NIBAN2: variants seen among roughly 807,000 people sequenced by gnomAD.
NIBAN2 encodes protein Niban 2.
In NIBAN2, 36 loss-of-function variants were observed where a neutral mutation model predicts 81.8. The ratio of observed to expected loss-of-function variants is 0.44; its 90% CI spans 0.34 to 0.58. NIBAN2 has a LOEUF of 0.58. NIBAN2 is among the 20% of genes least tolerant of loss of function. The pLI, the probability that NIBAN2 is intolerant of heterozygous loss-of-function variation, is 0.02. For missense variants in NIBAN2, 897 were observed against 1,014.1 expected, an observed-to-expected ratio of 0.88 and a Z score of 1.57; for synonymous variants, 445 against 441.6, an observed-to-expected ratio of 1.01 and a Z score of -0.10.
intron 1 of NIBAN2, among the ~76,000 whole-genome samples, chr9:127,575,583 G>A (rs1417854925): frequency 7.0e-6 from 1 of 143,036 alleles, no homozygotes; most frequent in East Asian, 2.1e-4. Context: ...AGGCTGGAGT[G>A]CAGTGGCGGG....
At position 127,507,124 on chromosome 9, in the gene NIBAN2, T is replaced by C; in HGVS notation, c.1962A>G (p.Arg654=). Residue 654 remains arginine, a synonymous_variant, in exon 14 of 14, where the codon CGA becomes CGG. Coordinates refer to ENST00000373312, the MANE Select transcript of NIBAN2 (RefSeq NM_022833.4). The surrounding 1 kb of genome is among the most constrained non-coding windows in gnomAD (Gnocchi z 6.8). ...GCCGCAGACCTTGGGCCAGCAGGCC[T>C]CGGATCTCAGTGACACCGTCCGGGG... ...PASPDGVTEI[R]GLLAQGLRPE... 4.4e-6 allele frequency: 7 copies of C among 1,594,602 alleles called. No homozygotes were observed. The highest frequency in any genetic ancestry group is 6.0e-6 in the Non-Finnish European group (7 of 1,171,114).
chr9:127,569,271 C>G (rs1837916723), upstream of NIBAN2, among the ~76,000 whole-genome samples: 1 of 147,954 alleles, frequency 6.8e-6, no homozygotes, highest in Non-Finnish European at 1.5e-5. Context: ...CCCCGTATGC[C>G]CCGCCCCCTC....
At chr9:127,574,894 C>A (rs957490577) in intron 1 of NIBAN2, among the ~76,000 whole-genome samples, 2 of 152,190 alleles carry the variant, frequency 1.3e-5, no homozygotes, top group African/African-American at 4.8e-5. Flanking sequence ...GGCTGCTAAA[C>A]TCCCTCTTAC....
intron 1 of NIBAN2, among the ~76,000 whole-genome samples, chr9:127,538,091 C>T (rs1439655855): frequency 3.3e-5 from 5 of 152,206 alleles, no homozygotes; most frequent in African/African-American, 4.8e-5. Context: ...ACAACACACA[C>T]TTGTGGGTTT....
At chr9:127,512,774 GA>G (rs1836760667) in intron 8 of NIBAN2, among the ~76,000 whole-genome samples, 1 of 152,150 alleles carries the variant, frequency 6.6e-6, no homozygotes, top group African/African-American at 2.4e-5. Flanking sequence ...TTCACAGTGG[GA>G]ATGTAAATGA....
chr9:127,531,177 G>GAAA (rs10654600), intron 2 of NIBAN2, among the ~76,000 whole-genome samples: 5 of 143,680 alleles, frequency 3.5e-5, no homozygotes, highest in Admixed American at 2.1e-4. Flanking sequence ...GACCCAGTCT[G>GAAA]AAAAAAAAAA....
chr9:127,547,667 G>A (rs13297824), intron 1 of NIBAN2, among the ~76,000 whole-genome samples: 16,178 of 151,588 alleles, frequency 0.11, 1,400 homozygotes, highest in Admixed American at 0.27. Context: ...GAGAAACCCT[G>A]CCTCTACTAA....
chr9:127,510,219 T>C lies in NIBAN2; in HGVS notation c.1088A>G (p.Asp363Gly). ...PTSQGFTEVRDVFFKEVTDMN... is the reference protein window; with the variant it reads ...PTSQGFTEVRGVFFKEVTDMN... ...GTCCGTGACCTCCTTGAAGAAGACATCTCGCACCTCAGTGAAGCCCTGGCT... is the reference window on the plus strand; with the variant it reads ...GTCCGTGACCTCCTTGAAGAAGACACCTCGCACCTCAGTGAAGCCCTGGCT... The change falls in exon 9 of 14, where the codon GAT becomes GGT. Residue 363 changes from aspartate (D) to glycine (G), a missense_variant. By Grantham distance (94) the Asp-to-Gly change is moderately conservative. Transcript: ENST00000373312. 6.2e-7 allele frequency: 1 copy of C among 1,614,118 alleles called. No individual in the cohort carries two copies. The highest frequency in any genetic ancestry group is 8.5e-7 in the Non-Finnish European group (1 of 1,179,980).
intron 1 of NIBAN2, among the ~76,000 whole-genome samples, chr9:127,577,073 C>T (rs112506350): frequency 1.4e-3 from 219 of 151,420 alleles, no homozygotes; most frequent in African/African-American, 5.2e-3. Context: ...TTTCAGAGGC[C>T]GAGGTGGGCG....
At position 127,523,937 on chromosome 9, in the gene NIBAN2, AG is replaced by A. The variant is rs1327117627; in HGVS notation, c.422-92del. On this transcript the variant is annotated intron_variant, in intron 4 of 13. Coordinates refer to ENST00000373312, the MANE Select transcript of NIBAN2 (RefSeq NM_022833.4). The stretch of plus-strand genomic sequence containing the variant: ...AACTGATCCCTTGGCATCAGCTCTG[AG>A]GTCAGGCTCAGGCCCAGAGAAGGCC... 2.1e-6 allele frequency: 3 copies of A among 1,427,832 alleles called. No homozygotes were observed. In the Admixed American group the frequency reaches 5.2e-5, roughly 25 times the overall value. The allele number at this position is 1,427,832 out of a possible 1,614,324, so 88.4% of individuals were successfully genotyped here.
chr9:127,507,222 C>T lies in NIBAN2; in HGVS notation c.1864G>A (p.Val622Met), dbSNP rs138795717. The stretch of plus-strand genomic sequence containing the variant: ...TCCTCATCCTGGACCACAGAGACCA[C>T]CTGCTTGGCGCGCCGTCGCTTTTCC... ...LSEKRRRAKQ[V>M]VSVVQDEEVG... is the part of the protein sequence containing the mutation. Residue 622 changes from valine to methionine, a missense_variant, in exon 14 of 14, where the codon GTG (valine) becomes ATG (methionine). Val to Met is a conservative substitution (Grantham distance 21, BLOSUM62 1). Transcript: ENST00000373312. This position sits in a 1 kb window ranked among gnomAD's most constrained non-coding sequence, Gnocchi z 6.8. 2 of 1,612,310 alleles carry T rather than the reference C, an allele frequency of 1.2e-6. No homozygotes were observed. Among genetic ancestry groups the T allele is most frequent in the Non-Finnish European group, 1.7e-6 (2 of 1,179,290 alleles).
rs753390875 is a variant in NIBAN2, at chr9:127,516,936, C to T, written c.894G>A (p.Gln298=). The T allele has an allele frequency of 3.1e-6, 5 of 1,614,184 alleles. No individual in the cohort carries two copies. Among genetic ancestry groups the T allele is most frequent in the Non-Finnish European group, 3.4e-6 (4 of 1,180,034 alleles). ...EEVLSKVQQV[Q]PAMQAVIRTD... ...TTCGGATGACGGCCTGCATGGCCGG[C>T]TGCACCTGCTGCACCTTGGACAGCA... Residue 298 remains glutamine (Q), a synonymous_variant, in exon 8 of 14, where the codon CAG becomes CAA. Coordinates refer to ENST00000373312, the MANE Select transcript of NIBAN2 (RefSeq NM_022833.4).
At chr9:127,516,180 A>G (rs1330748527) in intron 8 of NIBAN2, among the ~76,000 whole-genome samples, 1 of 152,178 alleles carries the variant, frequency 6.6e-6, no homozygotes, top group Non-Finnish European at 1.5e-5. Context: ...GCAACTGACA[A>G]TTGCTAAAAC....
intron 1 of NIBAN2, among the ~76,000 whole-genome samples, chr9:127,557,031 T>C (rs2132229290): frequency 6.6e-6 from 1 of 152,164 alleles, no homozygotes; most frequent in East Asian, 1.9e-4. Flanking sequence ...AAGCTATAAT[T>C]GCAATACTGC....
chr9:127,521,937 A>G (rs1167776000), intron 5 of NIBAN2, among the ~76,000 whole-genome samples: 1 of 152,076 alleles, frequency 6.6e-6, no homozygotes, highest in East Asian at 1.9e-4. Flanking sequence ...CCCACTGCAC[A>G]CATGGGGGAC....
intron 1 of NIBAN2, among the ~76,000 whole-genome samples, chr9:127,547,452 G>C (rs1014461833): frequency 6.6e-6 from 1 of 152,084 alleles, no homozygotes; most frequent in Non-Finnish European, 1.5e-5. Context: ...AGGAAGTGGA[G>C]GTTGCAGTGA....
upstream of NIBAN2, chr9:127,569,227 C>T: frequency 2.7e-6 from 1 of 375,346 alleles, no homozygotes; most frequent in Non-Finnish European, 3.6e-6. Flanking sequence ...GGTCCTGCAC[C>T]CCCCTGCGCC....
At chr9:127,525,633 T>C (rs1222362691) in intron 3 of NIBAN2, among the ~76,000 whole-genome samples, 1 of 152,214 alleles carries the variant, frequency 6.6e-6, no homozygotes, top group Non-Finnish European at 1.5e-5. Context: ...GTTCTGTTTC[T>C]ACTGCTGCTA....
At position 127,545,255 on chromosome 9, in the gene NIBAN2, CCGGCCTCCCAGGTCTCCA is replaced by C. The variant is rs1451174822; in HGVS notation, c.56-13495_56-13478del. Among the ~76,000 whole-genome samples, 3 of 152,064 alleles carry C rather than the reference CCGGCCTCCCAGGTCTCCA, an allele frequency of 2.0e-5. No individual in the cohort carries two copies. The highest frequency in any genetic ancestry group is 4.4e-5 in the Non-Finnish European group (3 of 68,014). ...TCGGAACCCTCCCTCCAGACAAGTC[CCGGCCTCCCAGGTCTCCA>C]CAGCCTCCCTGGCCTCCACTCCCAC... On this transcript the variant is annotated intron_variant, in intron 1 of 13. Coordinates refer to ENST00000373312, the MANE Select transcript of NIBAN2 (RefSeq NM_022833.4). The surrounding 1 kb of genome is among the most constrained non-coding windows in gnomAD (Gnocchi z 4.7).
Sources: allele counts gnomAD v4.1 joint callset (sites outside exome capture counted in the v4.1 genomes callset), GRCh38; gene constraint gnomAD v4.1.1; non-coding constraint Gnocchi (gnomAD v3.1); transcripts MANE v1.5; gene names NCBI Gene and HGNC (gene_info 2026-07-23, HGNC 2026-07-21).